The following TMPO variants were observed in gnomAD, a reference collection of about 807,000 sequenced individuals.
TMPO encodes the protein thymopoietin, also known as LEM domain containing 4.
A neutral mutation model predicts 45.4 loss-of-function variants in TMPO; 22 were observed. That is an observed-to-expected ratio of 0.48 (90% CI 0.35 to 0.69). TMPO has a LOEUF of 0.69. Ranked by LOEUF, TMPO falls within the 30% of genes least tolerant of loss-of-function variation. TMPO has a pLI of 0.01. For synonymous variants in TMPO, 241 were observed against 204.1 expected, an observed-to-expected ratio of 1.18 and a Z score of -1.54; for missense variants, 512 against 548.8, an observed-to-expected ratio of 0.93 and a Z score of 0.67.
At chr12:98,516,369 C>A in intron 1 of TMPO, 1 of 1,208,760 alleles carries the variant, frequency 8.3e-7, no homozygotes, top group Non-Finnish European at 1.0e-6. Flanking sequence ...ACGTGTGGGT[C>A]TGGGAGGTGT....
In TMPO at chr12:98,522,575, A is replaced by G. The variant is rs1359922645; in HGVS notation, c.280-5311A>G. On this transcript the variant is annotated intron_variant, in intron 1 of 8. Transcript: ENST00000556029. Reference sequence around the variant, plus strand: ...AATAACCTAATAGCTACTTAATCAGATTGAGGAGTACATGCCATTGCATAT... The same window carrying G: ...AATAACCTAATAGCTACTTAATCAGGTTGAGGAGTACATGCCATTGCATAT... Among the ~76,000 whole-genome samples the G allele has an allele frequency of 2.0e-5, 3 of 152,214 alleles. No individual in the cohort carries two copies. In the East Asian group the frequency reaches 5.8e-4, roughly 29 times the overall value.
chr12:98,535,579 T>C (rs1436856825), intron 3 of TMPO: 38 of 985,310 alleles, frequency 3.9e-5, no homozygotes, highest in East Asian at 3.4e-4. Context: ...TTTTTAAAAA[T>C]GTATTACTGT....
intron 1 of TMPO, among the ~76,000 whole-genome samples, chr12:98,521,126 G>C (rs1489693121): frequency 6.9e-5 from 1 of 14,548 alleles, no homozygotes; most frequent in Non-Finnish European, 1.7e-4. Context: ...TTTTTTTTTT[G>C]AGACGGAGTG....
intron 1 of TMPO, among the ~76,000 whole-genome samples, chr12:98,523,960 T>TG (rs144811081): frequency 0.039 from 6,001 of 152,340 alleles, 169 homozygotes; most frequent in South Asian, 0.097. Context: ...ATTACAGACA[T>TG]GAGCCACTGC....
rs1050917034 is a variant in TMPO at position 98,549,127 on chromosome 12, A to G, written c.*1269A>G. 13 of 152,242 alleles carry G rather than the reference A, an allele frequency of 8.5e-5. No homozygotes were observed. The highest frequency in any genetic ancestry group is 8.5e-4 in the Admixed American group (13 of 15,272). The allele number at this position is 152,242 out of a possible 1,614,324, so 9.4% of individuals were successfully genotyped here. A position where few individuals can be genotyped will look rare whatever the true frequency, so the allele number is the denominator to read the frequency against. Reference sequence around the variant, plus strand: ...AGAGCAAGACTCCATCTCAAAAAAAATAAAAAAGTACAAAAAGTACTTGCT... The same window carrying G: ...AGAGCAAGACTCCATCTCAAAAAAAGTAAAAAAGTACAAAAAGTACTTGCT... On this transcript the variant is annotated 3_prime_UTR_variant, in exon 9 of 9. Coordinates refer to ENST00000556029, the MANE Select transcript of TMPO (RefSeq NM_001032283.3).
At chr12:98,517,072 A>G (rs940981154) in intron 1 of TMPO, among the ~76,000 whole-genome samples, 3 of 152,220 alleles carry the variant, frequency 2.0e-5, no homozygotes, top group African/African-American at 7.2e-5. Context: ...CGGCCTCACA[A>G]AGTGCTGGGA....
At chr12:98,518,227 C>T (rs939977761) in intron 1 of TMPO, among the ~76,000 whole-genome samples, 1 of 151,590 alleles carries the variant, frequency 6.6e-6, no homozygotes, top group Non-Finnish European at 1.5e-5. Flanking sequence ...TCTATAGAAC[C>T]CTTCATTGGT....
At chr12:98,516,358 G>T in intron 1 of TMPO, 1 of 1,218,966 alleles carries the variant, frequency 8.2e-7, no homozygotes, top group Non-Finnish European at 1.0e-6. Context: ...CGCGTTCTTT[G>T]ACGTGTGGGT....
intron 3 of TMPO, chr12:98,532,900 G>C (rs1482169494): frequency 1.2e-6 from 2 of 1,613,956 alleles, no homozygotes; most frequent in Non-Finnish European, 1.7e-6. Context: ...TACTCCCTCT[G>C]GTGGTGGATT....
intron 3 of TMPO, among the ~76,000 whole-genome samples, chr12:98,537,063 C>T (rs1013271250): frequency 6.6e-6 from 1 of 152,134 alleles, no homozygotes; most frequent in African/African-American, 2.4e-5. Context: ...GTAAGTCAAC[C>T]TTTGCTGTAC....
chr12:98,547,152 T>TAC (rs1878274606), intron 8 of TMPO, among the ~76,000 whole-genome samples: 1 of 151,284 alleles, frequency 6.6e-6, no homozygotes, highest in Non-Finnish European at 1.5e-5. Flanking sequence ...CTCGGCTCAC[T>TAC]ACAACCTCCA....
chr12:98,515,757 C>T lies in TMPO; in HGVS notation c.-111C>T. 3 of 1,543,038 alleles carry T rather than the reference C, an allele frequency of 1.9e-6. No homozygotes were observed. Among genetic ancestry groups the T allele is most frequent in the South Asian group, 1.2e-5 (1 of 83,092 alleles). On this transcript the variant is annotated 5_prime_UTR_variant, in exon 1 of 9. Transcript: ENST00000556029. Reference sequence around the variant, plus strand: ...TCCGCTCCGCAGCGCTCTTCCCGGGCAGGAGCCGTGAGGCTCGGAGGCGGC... The same window carrying T: ...TCCGCTCCGCAGCGCTCTTCCCGGGTAGGAGCCGTGAGGCTCGGAGGCGGC...
At chr12:98,536,037 A>G (rs1730978910) in intron 3 of TMPO, among the ~76,000 whole-genome samples, 1 of 152,206 alleles carries the variant, frequency 6.6e-6, no homozygotes, top group South Asian at 2.1e-4. Flanking sequence ...GTGTTGGGAG[A>G]TGGACTTGAA....
intron 3 of TMPO, chr12:98,533,367 T>C (rs1487272749): frequency 6.2e-7 from 1 of 1,614,208 alleles, no homozygotes; most frequent in Non-Finnish European, 8.5e-7. Context: ...AACTAATTTC[T>C]CCGCCACTTG....
At chr12:98,542,781 C>A (rs934559558) in intron 4 of TMPO, among the ~76,000 whole-genome samples, 5 of 152,284 alleles carry the variant, frequency 3.3e-5, no homozygotes, top group South Asian at 2.1e-4. Flanking sequence ...TCACTTGAAC[C>A]TCGCAGGTGG....
Position 98,527,905 on chromosome 12 carries a change from A to T in TMPO, c.299A>T (p.Asp100Val). The T allele has an allele frequency of 6.2e-7, 1 of 1,613,928 alleles. No individual in the cohort carries two copies. The highest frequency in any genetic ancestry group is 8.5e-7 in the Non-Finnish European group (1 of 1,179,910). ...TTACAGAAAGCCACAAAAAAAACTG[A>T]TAAACCCAGACAAGAAGATAAAGAT... ...AVGRKATKKT[D>V]KPRQEDKDDL... Residue 100 changes from aspartate (D) to valine (V), a missense_variant, in exon 2 of 9, where the codon GAT becomes GTT. This residue lies in a region of TMPO where 299 missense variants were observed against 296.7 expected (regional missense o/e 1.01). Transcript: ENST00000556029.
chr12:98,533,013 T>C (rs1877304721), intron 3 of TMPO: 1 of 1,613,674 alleles, frequency 6.2e-7, no homozygotes, highest in Non-Finnish European at 8.5e-7. Context: ...GAGACCTACC[T>C]AGGGAGCCTC....
intron 1 of TMPO, among the ~76,000 whole-genome samples, chr12:98,526,294 T>A (rs1876755322): frequency 6.6e-6 from 1 of 152,122 alleles, no homozygotes; most frequent in Non-Finnish European, 1.5e-5. Flanking sequence ...TTACAAGGAG[T>A]TTACAGTCCT....
Position 98,547,730 on chromosome 12 carries a change from G to T in TMPO, c.1237G>T (p.Val413Leu), listed in dbSNP as rs115843977. 1.9e-5 allele frequency: 31 copies of T among 1,614,048 alleles called. No individual in the cohort carries two copies. Among genetic ancestry groups the T allele is most frequent in the Non-Finnish European group, 7.6e-6 (9 of 1,180,030 alleles). ...EKTKKGRSIP[V>L]WIKILLFVVV... ...GACAAAAAAGGGACGCTCCATTCCC[G>T]TATGGATAAAAATTTTGCTGTTTGT... The change falls in exon 9 of 9, where the codon GTA becomes TTA. Residue 413 changes from valine to leucine, a missense_variant. By Grantham distance (32) the Val-to-Leu change is conservative. Transcript: ENST00000556029.
Sources: allele counts gnomAD v4.1 joint callset (sites outside exome capture counted in the v4.1 genomes callset), GRCh38; gene constraint gnomAD v4.1.1; regional missense constraint gnomAD v4.1.1; transcripts MANE v1.5; gene names NCBI Gene and HGNC (gene_info 2026-07-23, HGNC 2026-07-21).